The following XPR1 variants were observed in gnomAD, a reference collection of about 807,000 sequenced individuals.
XPR1 encodes the protein solute carrier family 53 member 1.
In XPR1, 28 loss-of-function variants were observed where a neutral mutation model predicts 87.5. The ratio of observed to expected loss-of-function variants is 0.32; its 90% CI spans 0.24 to 0.44. XPR1 has a LOEUF of 0.44. XPR1 is among the 20% of genes least tolerant of loss of function. The pLI, the probability that XPR1 is intolerant of heterozygous loss-of-function variation, is 1.00. For missense variants in XPR1, 559 were observed against 862.3 expected, an observed-to-expected ratio of 0.65 and a Z score of 4.41; for synonymous variants, 300 against 306.1, an observed-to-expected ratio of 0.98 and a Z score of 0.21.
intron 1 of XPR1, among the ~76,000 whole-genome samples, chr1:180,660,696 G>T (rs1458811581): frequency 6.6e-6 from 1 of 150,928 alleles, no homozygotes; most frequent in South Asian, 2.1e-4. Context: ...TTATTCCGTT[G>T]TGGTCAGAGA....
intron 10 of XPR1, among the ~76,000 whole-genome samples, chr1:180,836,280 C>A (rs572433369): frequency 1.3e-5 from 2 of 152,012 alleles, no homozygotes; most frequent in Non-Finnish European, 2.9e-5. Context: ...ATCCCTGGAA[C>A]CGGGAGGCAG....
chr1:180,865,405 T>C (rs927845062), intron 12 of XPR1, among the ~76,000 whole-genome samples: 3 of 146,068 alleles, frequency 2.1e-5, no homozygotes, highest in Non-Finnish European at 4.5e-5. Context: ...ATTTGTTTCT[T>C]TTTTTTTTTT....
chr1:180,767,982 C>T lies in XPR1; in HGVS notation c.122-19771C>T, dbSNP rs188237677. Among the ~76,000 whole-genome samples the T allele has an allele frequency of 3.9e-5, 6 of 152,100 alleles. No individual in the cohort carries two copies. The East Asian group carries it at 1.2e-3, about 29-fold the overall frequency. ...GCCTCAGCCTCCCGAGTAGCTGGGA[C>T]TACAGGCGCCCGCCACCATTCCTGG... On this transcript the variant is annotated intron_variant, in intron 2 of 14. Coordinates refer to ENST00000367590, the MANE Select transcript of XPR1 (RefSeq NM_004736.4).
At chr1:180,683,824 G>A (rs1656671135) in intron 2 of XPR1, among the ~76,000 whole-genome samples, 1 of 149,480 alleles carries the variant, frequency 6.7e-6, no homozygotes, top group African/African-American at 2.6e-5. Context: ...TTTTTTTCTT[G>A]TAAATTTGTT....
rs1558021579 is a variant in XPR1 at position 180,814,616 on chromosome 1, G to A, written c.763+3128G>A. Reference sequence around the variant, plus strand: ...CAGCAAGTAAATTTTATGTGTCTAAGGGTTATGCTTGATGCCTACAAGTCT... The same window carrying A: ...CAGCAAGTAAATTTTATGTGTCTAAAGGTTATGCTTGATGCCTACAAGTCT... On this transcript the variant is annotated intron_variant, in intron 7 of 14. Coordinates refer to ENST00000367590, the MANE Select transcript of XPR1 (RefSeq NM_004736.4). Among the ~76,000 whole-genome samples the A allele has an allele frequency of 2.0e-5, 3 of 152,262 alleles. No homozygotes were observed. In the South Asian group the frequency reaches 6.2e-4, roughly 32 times the overall value.
At chr1:180,741,971 G>A (rs1658936192) in intron 2 of XPR1, among the ~76,000 whole-genome samples, 1 of 152,054 alleles carries the variant, frequency 6.6e-6, no homozygotes, top group Non-Finnish European at 1.5e-5. Context: ...TTGAATGTCT[G>A]CAATGTCTGT....
intron 2 of XPR1, among the ~76,000 whole-genome samples, chr1:180,732,354 C>A (rs372915739): frequency 6.6e-6 from 1 of 151,896 alleles, no homozygotes; most frequent in Non-Finnish European, 1.5e-5. Context: ...TCTTAATATG[C>A]GTAACTCCTA....
chr1:180,726,103 C>T (rs1263292855), intron 2 of XPR1, among the ~76,000 whole-genome samples: 2 of 152,146 alleles, frequency 1.3e-5, no homozygotes, highest in Non-Finnish European at 2.9e-5. Context: ...AATCAGCGCT[C>T]TGTGTCTAGC....
In XPR1 at chr1:180,644,483, C is replaced by T. The variant is rs567184606; in HGVS notation, c.69+12213C>T. ...TTTTTTTTAACTTTGCATCTATCTT[C>T]TCATCTATTGTATGTGAAGTTTAGA... On this transcript the variant is annotated intron_variant, in intron 1 of 14. Transcript: ENST00000367590. 4.1e-5 allele frequency among the ~76,000 whole-genome samples: 6 copies of T among 147,712 alleles called. No homozygotes were observed. The South Asian group carries it at 1.3e-3, about 31-fold the overall frequency.
At chr1:180,807,640 T>G (rs1358006541) in intron 6 of XPR1, among the ~76,000 whole-genome samples, 20 of 152,176 alleles carry the variant, frequency 1.3e-4, no homozygotes, top group Admixed American at 1.3e-3. Flanking sequence ...CTGAGGTGAT[T>G]TATAGATATA....
At chr1:180,866,152 C>A (rs1304354719) in intron 12 of XPR1, among the ~76,000 whole-genome samples, 3 of 151,968 alleles carry the variant, frequency 2.0e-5, no homozygotes, top group Admixed American at 2.0e-4. Context: ...TTCAAGACTG[C>A]AGTGGGCTAT....
intron 2 of XPR1, among the ~76,000 whole-genome samples, chr1:180,749,514 G>A (rs1166043097): frequency 1.3e-5 from 2 of 151,968 alleles, no homozygotes; most frequent in African/African-American, 4.8e-5. Context: ...CAAATCATGA[G>A]CATTTTGTAA....
chr1:180,665,013 A>G (rs562337639), intron 1 of XPR1, among the ~76,000 whole-genome samples: 4 of 152,336 alleles, frequency 2.6e-5, no homozygotes, highest in South Asian at 4.1e-4. Context: ...CGCACTTCCT[A>G]TATTCATCCA....
intron 1 of XPR1, among the ~76,000 whole-genome samples, chr1:180,674,964 A>AAC (rs1656317174): frequency 6.6e-6 from 1 of 152,122 alleles, no homozygotes; most frequent in African/African-American, 2.4e-5. Flanking sequence ...ATGTTGGTTG[A>AAC]ATATTATTGG....
chr1:180,686,417 A>C (rs940728954), intron 2 of XPR1, among the ~76,000 whole-genome samples: 2 of 152,058 alleles, frequency 1.3e-5, no homozygotes, highest in African/African-American at 4.8e-5. Context: ...CTATGTGGTC[A>C]GTTTTGGAGT....
intron 1 of XPR1, among the ~76,000 whole-genome samples, chr1:180,680,539 A>G (rs1394846805): frequency 1.3e-5 from 2 of 151,764 alleles, no homozygotes; most frequent in Non-Finnish European, 2.9e-5. Flanking sequence ...TAATTTTTGT[A>G]TTTTTAGTAG....
chr1:180,743,555 A>G (rs1658989889), intron 2 of XPR1, among the ~76,000 whole-genome samples: 1 of 152,124 alleles, frequency 6.6e-6, no homozygotes. Context: ...CATTATATAT[A>G]TATACCCAGA....
At chr1:180,754,287 A>G (rs550854041) in intron 2 of XPR1, among the ~76,000 whole-genome samples, 2 of 152,284 alleles carry the variant, frequency 1.3e-5, no homozygotes, top group South Asian at 2.1e-4. Context: ...ATTGATAGGT[A>G]TATGAGAACT....
chr1:180,780,722 C>G (rs554330109), intron 2 of XPR1, among the ~76,000 whole-genome samples: 1 of 148,660 alleles, frequency 6.7e-6, no homozygotes, highest in African/African-American at 2.5e-5. Context: ...GAGCAGAGAT[C>G]GTGCCACTGC....
Sources: allele counts gnomAD v4.1 joint callset (sites outside exome capture counted in the v4.1 genomes callset), GRCh38; gene constraint gnomAD v4.1.1; transcripts MANE v1.5; gene names NCBI Gene and HGNC (gene_info 2026-07-23, HGNC 2026-07-21).